The following HECW2 variants were observed in gnomAD, a reference collection of about 807,000 sequenced individuals.
HECW2 encodes E3 ubiquitin-protein ligase HECW2.
In HECW2, 61 loss-of-function variants were observed where a neutral mutation model predicts 175.2. The ratio of observed to expected loss-of-function variants is 0.35; its 90% CI spans 0.28 to 0.43. The LOEUF is 0.43. Ranked by LOEUF, HECW2 falls within the 20% of genes least tolerant of loss-of-function variation. The probability of loss-of-function intolerance (pLI) is 1.00; values close to 1 mark genes in which losing one functional copy is unlikely to be tolerated. For missense variants in HECW2, 1,524 were observed against 2,000.5 expected, an observed-to-expected ratio of 0.76 and a Z score of 4.54; for synonymous variants, 671 against 731.0, an observed-to-expected ratio of 0.92 and a Z score of 1.32.
At chr2:196,355,890 C>T (rs1693347756) in intron 2 of HECW2, among the ~76,000 whole-genome samples, 1 of 152,042 alleles carries the variant, frequency 6.6e-6, no homozygotes. Context: ...TAGGAGAGTA[C>T]AATTTTACAT....
At chr2:196,482,044 G>A (rs1407176637) in intron 1 of HECW2, among the ~76,000 whole-genome samples, 1 of 152,136 alleles carries the variant, frequency 6.6e-6, no homozygotes, top group African/African-American at 2.4e-5. Context: ...GAGTTTCCTT[G>A]CTGAAAAAAA....
intron 21 of HECW2, among the ~76,000 whole-genome samples, chr2:196,231,008 C>G (rs1688033412): frequency 7.6e-6 from 1 of 132,448 alleles, no homozygotes; most frequent in Non-Finnish European, 1.5e-5. Context: ...GAGGCTGAGG[C>G]AGGAGAATCA....
At chr2:196,292,293 T>C (rs1282872861) in intron 14 of HECW2, 2 of 375,778 alleles carry the variant, frequency 5.3e-6, no homozygotes. Context: ...CAGCAGAGCA[T>C]AGAGAGAGAT....
At chr2:196,321,055 C>T (rs1265260838) in intron 7 of HECW2, among the ~76,000 whole-genome samples, 1 of 152,224 alleles carries the variant, frequency 6.6e-6, no homozygotes, top group Non-Finnish European at 1.5e-5. Context: ...GCTAAGCTCT[C>T]CTTCCTCACC....
At chr2:196,498,168 C>T (rs1307433703) in intron 1 of HECW2, among the ~76,000 whole-genome samples, 1 of 152,176 alleles carries the variant, frequency 6.6e-6, no homozygotes, top group Non-Finnish European at 1.5e-5. Flanking sequence ...TCTTGGACTA[C>T]AAGAGATAAT....
chr2:196,231,639 T>C (rs951479170), intron 21 of HECW2, among the ~76,000 whole-genome samples: 1 of 152,210 alleles, frequency 6.6e-6, no homozygotes. Context: ...CAGGAAAATT[T>C]TGCTAACCTC....
chr2:196,388,111 TA>T (rs1488297858), intron 2 of HECW2, among the ~76,000 whole-genome samples: 4 of 151,896 alleles, frequency 2.6e-5, no homozygotes, highest in African/African-American at 9.7e-5. Flanking sequence ...GGCAACGTAA[TA>T]AGACCTCATC....
chr2:196,312,953 G>A (rs1260977086), intron 10 of HECW2, among the ~76,000 whole-genome samples: 3 of 152,024 alleles, frequency 2.0e-5, no homozygotes, highest in Non-Finnish European at 2.9e-5. Context: ...CTTTAATAAT[G>A]AAAGTATACA....
intron 1 of HECW2, among the ~76,000 whole-genome samples, chr2:196,517,759 T>C (rs1166754528): frequency 6.6e-6 from 1 of 152,244 alleles, no homozygotes; most frequent in East Asian, 1.9e-4. Flanking sequence ...GGCACTCATA[T>C]AAGGTAAAAA....
At chr2:196,247,194 CG>C (rs1299800156) in intron 19 of HECW2, among the ~76,000 whole-genome samples, 1 of 151,970 alleles carries the variant, frequency 6.6e-6, no homozygotes, top group Non-Finnish European at 1.5e-5. Context: ...GAGGTTGCAG[CG>C]AGCCGACATC....
At chr2:196,248,576 T>TGAGAGAGA (rs60292936) in intron 19 of HECW2, among the ~76,000 whole-genome samples, 7 of 140,892 alleles carry the variant, frequency 5.0e-5, no homozygotes, top group Admixed American at 2.2e-4. Flanking sequence ...GAGGGACAGA[T>TGAGAGAGA]GAGAGAGAGA....
intron 1 of HECW2, among the ~76,000 whole-genome samples, chr2:196,576,218 T>G (rs759195790): frequency 6.6e-6 from 1 of 152,162 alleles, no homozygotes; most frequent in African/African-American, 2.4e-5. Flanking sequence ...ATATATACCA[T>G]ATAGCCTAAG....
At chr2:196,557,932 A>G (rs2125495030) in intron 1 of HECW2, among the ~76,000 whole-genome samples, 1 of 151,782 alleles carries the variant, frequency 6.6e-6, no homozygotes, top group South Asian at 2.1e-4. Context: ...ATAGCAAAAA[A>G]TTAATAATAC....
intron 2 of HECW2, among the ~76,000 whole-genome samples, chr2:196,359,803 T>C (rs907947200): frequency 6.6e-6 from 1 of 152,162 alleles, no homozygotes; most frequent in Admixed American, 6.5e-5. Flanking sequence ...AAAATATTAG[T>C]TAGAAGCATG....
At chr2:196,423,790 G>C (rs1695470101) in intron 2 of HECW2, among the ~76,000 whole-genome samples, 1 of 151,236 alleles carries the variant, frequency 6.6e-6, no homozygotes, top group Admixed American at 6.6e-5. Context: ...ATTATAAATA[G>C]TGCTGCAATA....
chr2:196,266,160 A>G (rs1257360839), intron 17 of HECW2, among the ~76,000 whole-genome samples: 2 of 121,180 alleles, frequency 1.7e-5, no homozygotes, highest in Non-Finnish European at 3.3e-5. Flanking sequence ...GCAAGACTCC[A>G]TCTCTATTAA....
intron 1 of HECW2, among the ~76,000 whole-genome samples, chr2:196,474,108 A>T (rs1196073858): frequency 6.6e-6 from 1 of 152,250 alleles, no homozygotes; most frequent in Non-Finnish European, 1.5e-5. Flanking sequence ...CTATTCAAAG[A>T]AGCAGTATTT....
At chr2:196,510,772 T>C (rs1687920875) in intron 1 of HECW2, among the ~76,000 whole-genome samples, 1 of 152,156 alleles carries the variant, frequency 6.6e-6, no homozygotes, top group Non-Finnish European at 1.5e-5. Flanking sequence ...GTTCTAATTA[T>C]TGTGTAGCAC....
chr2:196,506,937 T>C (rs1559148567), intron 1 of HECW2, among the ~76,000 whole-genome samples: 1 of 152,048 alleles, frequency 6.6e-6, no homozygotes. Context: ...GAAAAATCTA[T>C]ACAGAAAGGA....
Sources: allele counts gnomAD v4.1 joint callset (sites outside exome capture counted in the v4.1 genomes callset), GRCh38; gene constraint gnomAD v4.1.1; transcripts MANE v1.5; gene names NCBI Gene and HGNC (gene_info 2026-07-23, HGNC 2026-07-21).